CDK19: variants seen among roughly 807,000 people sequenced by gnomAD.
CDK19 encodes cyclin dependent kinase 19.
In CDK19, 20 loss-of-function variants were observed where a neutral mutation model predicts 68.3. The observed-to-expected ratio is 0.29, with a 90% CI of 0.21 to 0.43. CDK19 has a LOEUF of 0.43. Ranked by LOEUF, CDK19 falls within the 20% of genes least tolerant of loss-of-function variation. CDK19 has a pLI of 1.00. For missense variants in CDK19, 339 were observed against 623.5 expected (o/e 0.54, Z 4.86); for synonymous variants, 221 against 222.8 (o/e 0.99, Z 0.07).
chr6:110,630,022 T>A (rs1320085394), intron 6 of CDK19, among the ~76,000 whole-genome samples: 1 of 152,206 alleles, frequency 6.6e-6, no homozygotes, highest in Non-Finnish European at 1.5e-5. Context: ...CTATTTTCAT[T>A]TCAACAAGAG....
intron 5 of CDK19, among the ~76,000 whole-genome samples, chr6:110,637,426 G>C (rs2114748003): frequency 6.6e-6 from 1 of 152,314 alleles, no homozygotes; most frequent in South Asian, 2.1e-4. Context: ...ACTTAGGCTA[G>C]AGGTGTTTAA....
At chr6:110,742,627 T>C (rs2114858672) in intron 2 of CDK19, among the ~76,000 whole-genome samples, 1 of 152,288 alleles carries the variant, frequency 6.6e-6, no homozygotes, top group South Asian at 2.1e-4. Flanking sequence ...AAAGAATGCA[T>C]TCCTGGGGGG....
intron 1 of CDK19, among the ~76,000 whole-genome samples, chr6:110,791,439 G>A (rs1456321666): frequency 6.6e-6 from 1 of 151,894 alleles, no homozygotes; most frequent in Admixed American, 6.6e-5. Flanking sequence ...AAAAAGGACA[G>A]AACACAACTA....
At chr6:110,757,971 G>A (rs930760820) in intron 1 of CDK19, among the ~76,000 whole-genome samples, 3 of 152,072 alleles carry the variant, frequency 2.0e-5, no homozygotes, top group African/African-American at 7.2e-5. Context: ...TGGGTGAATT[G>A]CTTGAGGCCA....
chr6:110,706,160 C>G (rs552518078), intron 2 of CDK19, among the ~76,000 whole-genome samples: 192 of 151,684 alleles, frequency 1.3e-3, no homozygotes, highest in Middle Eastern at 6.8e-3. Context: ...TGATGTGATT[C>G]TTCTGTGTCA....
intron 1 of CDK19, among the ~76,000 whole-genome samples, chr6:110,783,081 C>G (rs953146935): frequency 6.6e-6 from 1 of 152,154 alleles, no homozygotes; most frequent in Admixed American, 6.6e-5. Context: ...ATACTAAATT[C>G]TTTCCTTCTG....
chr6:110,672,410 A>G (rs1303776033), intron 2 of CDK19, among the ~76,000 whole-genome samples: 1 of 152,172 alleles, frequency 6.6e-6, no homozygotes, highest in Non-Finnish European at 1.5e-5. Flanking sequence ...CTTCTAAAAA[A>G]CTACATTTTC....
At chr6:110,675,627 CAAAAAAA>C (rs57966061) in intron 2 of CDK19, among the ~76,000 whole-genome samples, 8 of 56,532 alleles carry the variant, frequency 1.4e-4, no homozygotes, top group Admixed American at 3.9e-4. Flanking sequence ...GACTCCATCT[CAAAAAAA>C]AAAAAAAAAA....
At chr6:110,806,764 G>A (rs994056602) in intron 1 of CDK19, among the ~76,000 whole-genome samples, 1 of 152,114 alleles carries the variant, frequency 6.6e-6, no homozygotes, top group Non-Finnish European at 1.5e-5. Flanking sequence ...GATCACTTGA[G>A]GTCAGGAGTT....
Position 110,614,618 on chromosome 6 carries a change from G to A in CDK19, c.1426C>T (p.Gln476Ter). 1 of 1,613,890 alleles carries A rather than the reference G, an allele frequency of 6.2e-7. No homozygotes were observed. Among genetic ancestry groups the A allele is most frequent in the Non-Finnish European group, 8.5e-7 (1 of 1,179,758 alleles). Residue 476 changes from glutamine to a stop codon, truncating the protein, a stop_gained, in exon 13 of 13, where the codon CAG becomes TAG. Coordinates refer to ENST00000368911, the MANE Select transcript of CDK19 (RefSeq NM_015076.5). LOFTEE classifies it high-confidence loss of function. ...NYQSSVQGSSQSQSTLGYSSS... is the reference protein window; with the variant it reads ...NYQSSVQGSS ...GAGTAGCCAAGTGTGCTCTGGGACTGAGAGGATCCCTGAACGCTGCTTTGG... is the reference window on the plus strand; with the variant it reads ...GAGTAGCCAAGTGTGCTCTGGGACTAAGAGGATCCCTGAACGCTGCTTTGG...
chr6:110,670,467 T>C lies in CDK19; in HGVS notation c.279A>G (p.Val93=). ...GCTCTGCATAATCAAACAGCAGCCA[T>C]ACCTTCCTGTCACTGTGAGAAAGGA... ...KVFLSHSDRK[V]WLLFDYAEHD... Residue 93 remains valine, a synonymous_variant, in exon 3 of 13, where the codon GTA becomes GTG. Coordinates refer to ENST00000368911, the MANE Select transcript of CDK19 (RefSeq NM_015076.5). 4 of 1,611,772 alleles carry C rather than the reference T, an allele frequency of 2.5e-6. No homozygotes were observed. Among genetic ancestry groups the C allele is most frequent in the Non-Finnish European group, 3.4e-6 (4 of 1,177,890 alleles).
At chr6:110,715,591 G>A (rs1000055241) in intron 2 of CDK19, among the ~76,000 whole-genome samples, 1 of 152,104 alleles carries the variant, frequency 6.6e-6, no homozygotes, top group Non-Finnish European at 1.5e-5. Flanking sequence ...AGCTTCAAGC[G>A]ATTCTCCTGC....
At chr6:110,642,214 T>C (rs986957489) in intron 4 of CDK19, among the ~76,000 whole-genome samples, 2 of 149,480 alleles carry the variant, frequency 1.3e-5, no homozygotes, top group African/African-American at 5.0e-5. Context: ...GGCAGGAGAA[T>C]CGCTTGAACC....
At chr6:110,615,896 C>G (rs1248178953) in intron 12 of CDK19, among the ~76,000 whole-genome samples, 1 of 152,150 alleles carries the variant, frequency 6.6e-6, no homozygotes, top group East Asian at 1.9e-4. Context: ...TTTTGCATTT[C>G]GGATGACTCC....
At chr6:110,773,561 T>G (rs1319044504) in intron 1 of CDK19, among the ~76,000 whole-genome samples, 2 of 152,068 alleles carry the variant, frequency 1.3e-5, no homozygotes, top group Non-Finnish European at 2.9e-5. Flanking sequence ...TAAAGCTAGG[T>G]CTGAGAAAAT....
chr6:110,656,256 T>G (rs1291063242), intron 4 of CDK19, among the ~76,000 whole-genome samples: 1 of 152,222 alleles, frequency 6.6e-6, no homozygotes, highest in African/African-American at 2.4e-5. Context: ...GTACCCAGCA[T>G]ACTATCTGGT....
intron 2 of CDK19, among the ~76,000 whole-genome samples, chr6:110,699,326 G>A (rs750903132): frequency 5.9e-5 from 9 of 151,490 alleles, no homozygotes; most frequent in African/African-American, 9.7e-5. Context: ...ATGGGAGGCC[G>A]AGGCAGGAGA....
At chr6:110,736,587 T>G (rs1464857103) in intron 2 of CDK19, among the ~76,000 whole-genome samples, 2 of 152,206 alleles carry the variant, frequency 1.3e-5, no homozygotes, top group African/African-American at 2.4e-5. Flanking sequence ...TTACTAAGTT[T>G]ATGTTAAATT....
intron 4 of CDK19, among the ~76,000 whole-genome samples, chr6:110,660,929 G>C (rs1216999464): frequency 3.3e-5 from 5 of 152,110 alleles, no homozygotes; most frequent in Non-Finnish European, 7.4e-5. Context: ...CTTCACCAGG[G>C]ACCCACCCTC....
Sources: allele counts gnomAD v4.1 joint callset (sites outside exome capture counted in the v4.1 genomes callset), GRCh38; gene constraint gnomAD v4.1.1; transcripts MANE v1.5; gene names NCBI Gene and HGNC (gene_info 2026-07-23, HGNC 2026-07-21).